Variants in HELB observed in about 807,000 individuals in gnomAD.
HELB encodes the protein DNA 5'-3' helicase B.
Under a neutral mutation model 101.7 loss-of-function variants are expected in HELB, and 96 were observed. The ratio of observed to expected loss-of-function variants is 0.94; its 90% confidence interval spans 0.80 to 1.12. HELB has a LOEUF of 1.12. Ranked by LOEUF, HELB falls within the 50% of genes most tolerant of loss-of-function variation. The pLI is 0.00. For synonymous variants in HELB, 437 were observed against 459.7 expected, an observed-to-expected ratio of 0.95 and a Z score of 0.63; for missense variants, 1,210 against 1,291.9, an observed-to-expected ratio of 0.94 and a Z score of 0.97.
chr12:66,305,174 C>A (rs1971302), intron 2 of HELB, 24 bp downstream of exon 2: 5 of 1,376,454 alleles, frequency 3.6e-6, no homozygotes, highest in Non-Finnish European at 5.0e-6. Flanking sequence ...TTATCATCAA[C>A]TTTCAGTGTA....
rs1313125769 is a variant in HELB, at chr12:66,304,971, A to C, written c.428A>C (p.Lys143Thr). The C allele has an allele frequency of 2.5e-6, 4 of 1,613,920 alleles. No individual in the cohort carries two copies. Among genetic ancestry groups the C allele is most frequent in the Admixed American group, 3.3e-5 (2 of 59,986 alleles). ...ECEVSSDDVN[K>T]FLTWVKEVSN... The stretch of plus-strand genomic sequence containing the variant: ...GAGGTCTCCAGTGATGATGTTAATA[A>C]ATTTTTAACATGGGTAAAGGAGGTA... The change falls in exon 2 of 13, where the codon AAA (lysine) becomes ACA (threonine). Residue 143 changes from lysine (K) to threonine (T), a missense_variant. Physicochemically the swap from Lys to Thr is moderately conservative, Grantham distance 78. Around this residue, in one of 2 missense-constraint regions of HELB, gnomAD observed 470 missense variants for 563.1 expected, o/e 0.83. Coordinates refer to ENST00000247815, the MANE Select transcript of HELB (RefSeq NM_001370285.1).
chr12:66,306,650 A>C, intron 3 of HELB, 136 bp downstream of exon 3: 1 of 468,352 alleles, frequency 2.1e-6, no homozygotes. Flanking sequence ...CAAATGTTGC[A>C]ACTGTACATA....
In HELB at chr12:66,325,031, A is replaced by G. The variant is rs2053719379; in HGVS notation, c.2575A>G (p.Asn859Asp). The G allele has an allele frequency of 6.2e-7, 1 of 1,613,384 alleles. No homozygotes were observed. The highest frequency in any genetic ancestry group is 1.3e-5 in the African/African-American group (1 of 74,930). Residue 859 changes from asparagine (N) to aspartate (D), a missense_variant, in exon 11 of 13, where the codon AAT becomes GAT. Coordinates refer to ENST00000247815, the MANE Select transcript of HELB (RefSeq NM_001370285.1). Reference protein sequence around the residue: ...FGKRRSLTINNMAGLEVTVDF... With the variant: ...FGKRRSLTINDMAGLEVTVDF... ...AAAGAGAAGATCTTTGACCATTAAT[A>G]ATATGGCTGGCCTGGAAGTAACTGT... is the stretch of plus-strand genomic sequence containing the variant.
intron 12 of HELB, among the ~76,000 whole-genome samples, chr12:66,333,136 A>G (rs924770527): frequency 6.6e-6 from 1 of 152,222 alleles, no homozygotes; most frequent in Non-Finnish European, 1.5e-5. Flanking sequence ...CTTTGTGGAC[A>G]TTATATTCCA....
chr12:66,323,012 T>A (rs1180350344), intron 9 of HELB, among the ~76,000 whole-genome samples: 1 of 152,026 alleles, frequency 6.6e-6, no homozygotes, highest in Non-Finnish European at 1.5e-5. Context: ...GAGTGAAATT[T>A]TTTTGGTTTC....
chr12:66,327,186 G>A (rs1237382507), intron 11 of HELB, among the ~76,000 whole-genome samples: 6 of 150,806 alleles, frequency 4.0e-5, no homozygotes, highest in Non-Finnish European at 7.4e-5. Flanking sequence ...TGCTAATGTC[G>A]ATTGCAGATT....
Position 66,331,548 on chromosome 12 carries a change from C to G in HELB, c.3065C>G (p.Pro1022Arg), listed in dbSNP as rs1592647763. 1.2e-6 allele frequency: 2 copies of G among 1,613,972 alleles called. No homozygotes were observed. Among genetic ancestry groups the G allele is most frequent in the Non-Finnish European group, 1.7e-6 (2 of 1,180,016 alleles). Residue 1022 changes from proline (P) to arginine (R), a missense_variant, in exon 12 of 13, where the codon CCT (proline) becomes CGT (arginine). Around this residue, in one of 2 missense-constraint regions of HELB, gnomAD observed 740 missense variants for 728.8 expected, o/e 1.02. Coordinates refer to ENST00000247815, the MANE Select transcript of HELB (RefSeq NM_001370285.1). ...TFAERWQLSS[P>R]DGVDTDDDLP... ...GCTGAAAGATGGCAATTATCTTCAC[C>G]TGATGGAGTAGATACAGATGATGAT...
intron 12 of HELB, among the ~76,000 whole-genome samples, chr12:66,335,062 G>A (rs1168327): frequency 0.45 from 68,295 of 151,944 alleles, 15,838 homozygotes; most frequent in East Asian, 0.58. Context: ...GAATAGCAGT[G>A]CCATTTCCTG....
chr12:66,322,565 CAAA>C (rs58441074), intron 8 of HELB, among the ~76,000 whole-genome samples, 156 bp from the exon 9 acceptor site: 68,986 of 125,532 alleles, frequency 0.55, 21,318 homozygotes, highest in Middle Eastern at 0.77. Context: ...GACGCTGTCT[CAAA>C]AAAAAAAAAA....
Position 66,331,652 on chromosome 12 carries a change from G to A in HELB, c.3162+7G>A, listed in dbSNP as rs369415106. 1 of 1,586,606 alleles carries A rather than the reference G, an allele frequency of 6.3e-7. No individual in the cohort carries two copies. Among genetic ancestry groups the A allele is most frequent in the Non-Finnish European group, 8.5e-7 (1 of 1,172,318 alleles). The stretch of plus-strand genomic sequence containing the variant: ...TCCAAGCAAAATTTTTATGGTAGGA[G>A]TGATGTTTCCATGTTCCCAAGTTTT... On this transcript the variant is annotated splice_region_variant and intron_variant, in intron 12 of 12. Transcript: ENST00000247815.
chr12:66,342,412 T>TG (rs2053924598), downstream of HELB: 2 of 151,656 alleles, frequency 1.3e-5, no homozygotes, highest in African/African-American at 4.9e-5. Context: ...TCTTGCCCTG[T>TG]TGCCTAGGCT....
At chr12:66,314,700 T>C (rs1432890402) in intron 5 of HELB, among the ~76,000 whole-genome samples, 1 of 152,136 alleles carries the variant, frequency 6.6e-6, no homozygotes, top group Non-Finnish European at 1.5e-5. Flanking sequence ...TTTTAGGTAT[T>C]TGAGGATGTC....
chr12:66,330,317 TAAAAG>T (rs1213668455), intron 11 of HELB, among the ~76,000 whole-genome samples: 2 of 152,098 alleles, frequency 1.3e-5, no homozygotes, highest in African/African-American at 4.8e-5. Flanking sequence ...TTTATCTTGA[TAAAAG>T]AAATAAATTG....
intron 11 of HELB, among the ~76,000 whole-genome samples, chr12:66,327,841 G>A (rs1402206430): frequency 9.2e-5 from 14 of 152,158 alleles, no homozygotes; most frequent in Admixed American, 7.9e-4. Context: ...GTTAGAAGGT[G>A]GCAAATCCTG....
intron 1 of HELB, among the ~76,000 whole-genome samples, chr12:66,304,170 T>G (rs1321458731): frequency 6.6e-6 from 1 of 152,238 alleles, no homozygotes; most frequent in Non-Finnish European, 1.5e-5. Flanking sequence ...TACCCTCTAG[T>G]GTATTAAACA....
intron 5 of HELB, among the ~76,000 whole-genome samples, 156 bp downstream of exon 5, chr12:66,314,319 A>C (rs1406115539): frequency 2.6e-5 from 4 of 152,124 alleles, no homozygotes; most frequent in African/African-American, 9.7e-5. Flanking sequence ...CCACTCTCCT[A>C]ATCAGCTTGG....
chr12:66,307,802 GCT>G (rs1182109697), intron 3 of HELB, among the ~76,000 whole-genome samples: 26 of 147,186 alleles, frequency 1.8e-4, no homozygotes, highest in Non-Finnish European at 3.3e-4. Flanking sequence ...TGTGAGCTCT[GCT>G]CACTGCAGTC....
At position 66,305,172 on chromosome 12, in the gene HELB, A is replaced by G. The variant is rs1323736681; in HGVS notation, c.607+22A>G. 3.6e-6 allele frequency: 5 copies of G among 1,399,092 alleles called. No individual in the cohort carries two copies. The African/African-American group carries it at 4.3e-5, about 12-fold the overall frequency. The allele number at this position is 1,399,092 out of a possible 1,614,324, so 86.7% of individuals were successfully genotyped here. A position where few individuals can be genotyped will look rare whatever the true frequency, so the allele number is the denominator to read the frequency against. ...ACAAGTAAGTGTGATTTTTATCATC[A>G]ACTTTCAGTGTAATTGACATACTTA... On this transcript the variant is annotated intron_variant, in intron 2 of 12. Coordinates refer to ENST00000247815, the MANE Select transcript of HELB (RefSeq NM_001370285.1).
At chr12:66,325,741 T>C (rs2053729744) in intron 11 of HELB, among the ~76,000 whole-genome samples, 1 of 152,232 alleles carries the variant, frequency 6.6e-6, no homozygotes, top group Non-Finnish European at 1.5e-5. Context: ...AACTAGCTTT[T>C]ATTTTTTATT....
Sources: allele counts gnomAD v4.1 joint callset (sites outside exome capture counted in the v4.1 genomes callset), GRCh38; gene constraint gnomAD v4.1.1; regional missense constraint gnomAD v4.1.1; transcripts MANE v1.5; gene names NCBI Gene and HGNC (gene_info 2026-07-23, HGNC 2026-07-21).